The following SLC39A10 variants were observed in gnomAD, a reference collection of about 807,000 sequenced individuals.
SLC39A10 encodes zinc transporter ZIP10.
Under a neutral mutation model 65.1 loss-of-function variants are expected in SLC39A10, and 13 were observed. The ratio of observed to expected loss-of-function variants is 0.20; its 90% confidence interval spans 0.13 to 0.32. SLC39A10 has a LOEUF of 0.32. Ranked by LOEUF, SLC39A10 falls within the 10% of genes least tolerant of loss-of-function variation. SLC39A10 has a pLI of 1.00. For missense variants in SLC39A10, 831 were observed against 1,018.4 expected, an observed-to-expected ratio of 0.82 and a Z score of 2.50; for synonymous variants, 321 against 342.2, an observed-to-expected ratio of 0.94 and a Z score of 0.68.
In SLC39A10 at chr2:195,736,744, G is replaced by GAAGT. The variant is rs1438818255; in HGVS notation, c.*1704_*1707dup. On this transcript the variant is annotated 3_prime_UTR_variant, in exon 10 of 10. Transcript: ENST00000359634. ...CTCCATGGCCTCCTTATAATAAGTAGAAGTTTTATATATAATTAATTTTCA... is the reference window on the plus strand; with the variant it reads ...CTCCATGGCCTCCTTATAATAAGTAGAAGTAAGTTTTATATATAATTAATTTTCA... 2 of 152,398 alleles carry GAAGT rather than the reference G, an allele frequency of 1.3e-5. No homozygotes were observed. Among genetic ancestry groups the GAAGT allele is most frequent in the Admixed American group, 1.3e-4 (2 of 15,250 alleles). The allele number at this position is 152,398 out of a possible 1,614,324, so 9.4% of individuals were successfully genotyped here.
At chr2:195,694,745 C>T (rs943433955) in intron 3 of SLC39A10, among the ~76,000 whole-genome samples, 1 of 152,144 alleles carries the variant, frequency 6.6e-6, no homozygotes, top group African/African-American at 2.4e-5. Context: ...CAGGATGTGG[C>T]GCTTTCAAGA....
chr2:195,660,859 A>T (rs1240921509), intron 1 of SLC39A10, among the ~76,000 whole-genome samples: 1 of 152,216 alleles, frequency 6.6e-6, no homozygotes, highest in Non-Finnish European at 1.5e-5. Context: ...TTAGTTCCAT[A>T]TAACTTTGTA....
chr2:195,644,183 T>C (rs183722626), intron 2 of SLC39A10, among the ~76,000 whole-genome samples: 1 of 151,628 alleles, frequency 6.6e-6, no homozygotes, highest in South Asian at 2.1e-4. Flanking sequence ...AGAGGATGGA[T>C]TCGTTTTGGA....
chr2:195,720,065 C>T (rs1691971552), intron 8 of SLC39A10, among the ~76,000 whole-genome samples: 1 of 152,088 alleles, frequency 6.6e-6, no homozygotes, highest in Non-Finnish European at 1.5e-5. Flanking sequence ...CCTGGGATTA[C>T]AGGCATGAGC....
intron 8 of SLC39A10, among the ~76,000 whole-genome samples, chr2:195,727,287 C>T (rs1166247541): frequency 6.6e-6 from 1 of 152,160 alleles, no homozygotes; most frequent in East Asian, 1.9e-4. Context: ...TACATCAGCT[C>T]TGTGGTCATG....
At chr2:195,669,118 A>G (rs1349083786) in intron 1 of SLC39A10, among the ~76,000 whole-genome samples, 1 of 151,722 alleles carries the variant, frequency 6.6e-6, no homozygotes, top group Non-Finnish European at 1.5e-5. Flanking sequence ...CCTCTCCAGC[A>G]GTTGGAACTA....
intron 2 of SLC39A10, among the ~76,000 whole-genome samples, chr2:195,613,788 A>T (rs981575850): frequency 1.3e-5 from 2 of 152,250 alleles, no homozygotes; most frequent in Non-Finnish European, 2.9e-5. Flanking sequence ...CCTAAAAAAG[A>T]ATAATAGATC....
intron 1 of SLC39A10, among the ~76,000 whole-genome samples, chr2:195,662,874 A>G (rs185720752): frequency 2.2e-4 from 34 of 152,288 alleles, no homozygotes; most frequent in African/African-American, 7.9e-4. Flanking sequence ...TTAGTAGAAA[A>G]ATGTTCAGTC....
chr2:195,636,637 C>T (rs866286243), intron 2 of SLC39A10, among the ~76,000 whole-genome samples: 4 of 152,116 alleles, frequency 2.6e-5, no homozygotes, highest in Non-Finnish European at 5.9e-5. Flanking sequence ...CCTGTAGTCC[C>T]AGCTACTCAG....
rs772656077 is a variant in SLC39A10 at position 195,737,142 on chromosome 2, A to ATCTT, written c.*2103_*2106dup. The ATCTT allele has an allele frequency of 6.5e-5, 10 of 152,690 alleles. No homozygotes were observed. In the East Asian group the frequency reaches 1.3e-3, roughly 21 times the overall value. 9.5% of individuals were successfully genotyped at this position (152,690 alleles called of 1,614,324 possible). On this transcript the variant is annotated 3_prime_UTR_variant, in exon 10 of 10. Transcript: ENST00000359634. ...TTCTTTATTTGCTAGATTCTTACAA[A>ATCTT]TCTTTTAAGAGGGCTGTAACAGTTG...
intron 2 of SLC39A10, among the ~76,000 whole-genome samples, chr2:195,624,584 T>C (rs1688423757): frequency 6.6e-6 from 1 of 151,458 alleles, no homozygotes; most frequent in Non-Finnish European, 1.5e-5. Flanking sequence ...TTCAAGTCAG[T>C]AAACTTCAAG....
intron 3 of SLC39A10, among the ~76,000 whole-genome samples, chr2:195,702,891 T>G (rs1001977891): frequency 1.3e-5 from 2 of 152,248 alleles, no homozygotes; most frequent in Non-Finnish European, 2.9e-5. Context: ...TTGTTGGTCC[T>G]TTTCAATTAG....
chr2:195,735,015 A>G lies in SLC39A10; in HGVS notation c.2470A>G (p.Lys824Glu), dbSNP rs1692545229. Residue 824 changes from lysine (K) to glutamate (E), a missense_variant, in exon 10 of 10, where the codon AAA becomes GAA. Lys to Glu is a moderately conservative substitution (Grantham distance 56). This residue lies in a region of SLC39A10 where 120 missense variants were observed against 203.9 expected (regional missense o/e 0.59). Coordinates refer to ENST00000359634, the MANE Select transcript of SLC39A10 (RefSeq NM_020342.3). ...IMLVIALYED[K>E]IVFDIQF is the part of the protein sequence containing the mutation. ...GCTGGTGATTGCCCTCTATGAAGAT[A>G]AAATTGTGTTTGACATCCAGTTTTG... 1.9e-6 allele frequency: 3 copies of G among 1,610,348 alleles called. No individual in the cohort carries two copies. Among genetic ancestry groups the G allele is most frequent in the South Asian group, 1.1e-5 (1 of 90,002 alleles).
At chr2:195,673,696 G>A (rs1051337338) in intron 1 of SLC39A10, among the ~76,000 whole-genome samples, 1 of 152,044 alleles carries the variant, frequency 6.6e-6, no homozygotes, top group African/African-American at 2.4e-5. Flanking sequence ...GGTCTGGGTG[G>A]GATGCAGGAA....
intron 2 of SLC39A10, among the ~76,000 whole-genome samples, chr2:195,614,319 T>G (rs555325773): frequency 6.6e-6 from 1 of 152,348 alleles, no homozygotes; most frequent in Non-Finnish European, 1.5e-5. Context: ...TCATTTTTGT[T>G]TGTATTGTAA....
chr2:195,668,655 T>G (rs1478711402), intron 1 of SLC39A10, among the ~76,000 whole-genome samples: 1 of 152,252 alleles, frequency 6.6e-6, no homozygotes, highest in Non-Finnish European at 1.5e-5. Context: ...TCATTTTCCT[T>G]TAAAAAAATA....
Position 195,680,360 on chromosome 2 carries a change from C to T in SLC39A10, c.318C>T (p.His106=). The change falls in exon 2 of 10, where the codon CAC becomes CAT. Residue 106 remains histidine (H), a synonymous_variant. Coordinates refer to ENST00000359634, the MANE Select transcript of SLC39A10 (RefSeq NM_020342.3). ...VVEINHEDLG[H]DHVSHLDILA... is the part of the protein sequence containing the mutation. The stretch of plus-strand genomic sequence containing the variant: ...AGATTAATCATGAGGATCTTGGCCA[C>T]GATCATGTTTCTCATTTAGATATTT... 1.2e-6 allele frequency: 2 copies of T among 1,614,080 alleles called. No individual in the cohort carries two copies. The highest frequency in any genetic ancestry group is 8.5e-7 in the Non-Finnish European group (1 of 1,180,006).
At chr2:195,709,969 A>T (rs1423637355) in intron 5 of SLC39A10, among the ~76,000 whole-genome samples, 1 of 152,172 alleles carries the variant, frequency 6.6e-6, no homozygotes, top group African/African-American at 2.4e-5. Context: ...TGGAGGTAAG[A>T]AGTCAGATTA....
chr2:195,711,772 C>A (rs962565304), intron 5 of SLC39A10, among the ~76,000 whole-genome samples: 1 of 152,134 alleles, frequency 6.6e-6, no homozygotes, highest in Non-Finnish European at 1.5e-5. Context: ...CTATCAGAAC[C>A]AAAGCAATTA....
Sources: allele counts gnomAD v4.1 joint callset (sites outside exome capture counted in the v4.1 genomes callset), GRCh38; gene constraint gnomAD v4.1.1; regional missense constraint gnomAD v4.1.1; transcripts MANE v1.5; gene names NCBI Gene and HGNC (gene_info 2026-07-23, HGNC 2026-07-21).